LPAR3: variants seen among roughly 807,000 people sequenced by gnomAD.
LPAR3 encodes LPA receptor 3.
Under a neutral mutation model 17.8 loss-of-function variants are expected in LPAR3, and 7 were observed. The observed-to-expected ratio is 0.39, with a 90% CI of 0.22 to 0.74. The LOEUF (loss-of-function observed/expected upper bound fraction) is 0.74. LPAR3 is among the 30% of genes least tolerant of loss of function. The pLI is 0.40. For missense variants in LPAR3, 391 were observed against 453.4 expected (o/e 0.86, Z 1.25); for synonymous variants, 179 against 179.9 (o/e 0.99, Z 0.04).
intron 2 of LPAR3, among the ~76,000 whole-genome samples, chr1:84,822,697 A>G (rs1015313224): frequency 6.6e-6 from 1 of 152,214 alleles, no homozygotes; most frequent in African/African-American, 2.4e-5. Context: ...CGTATTTAAG[A>G]TGGTTCAGCA....
At chr1:84,832,030 G>A (rs1463719937) in intron 2 of LPAR3, among the ~76,000 whole-genome samples, 2 of 152,030 alleles carry the variant, frequency 1.3e-5, no homozygotes, top group Non-Finnish European at 1.5e-5. Flanking sequence ...CTCTTGGGTG[G>A]AAACCTAGTT....
At chr1:84,833,712 T>A (rs1213472436) in intron 2 of LPAR3, among the ~76,000 whole-genome samples, 1 of 152,202 alleles carries the variant, frequency 6.6e-6, no homozygotes, top group Non-Finnish European at 1.5e-5. Context: ...CACCTGTACC[T>A]CATTACCTTA....
At chr1:84,823,376 G>A (rs183243739) in intron 2 of LPAR3, among the ~76,000 whole-genome samples, 6 of 152,176 alleles carry the variant, frequency 3.9e-5, no homozygotes, top group Admixed American at 3.9e-4. Flanking sequence ...GATGTGAAAG[G>A]AATGAAAATA....
chr1:84,815,652 T>A (rs1658918792), intron 2 of LPAR3, among the ~76,000 whole-genome samples: 1 of 152,126 alleles, frequency 6.6e-6, no homozygotes, highest in Non-Finnish European at 1.5e-5. Context: ...ATTATGGGAA[T>A]TACTTCACTT....
intron 1 of LPAR3, among the ~76,000 whole-genome samples, chr1:84,874,956 G>A (rs1660228543): frequency 6.7e-6 from 1 of 150,000 alleles, no homozygotes; most frequent in Non-Finnish European, 1.5e-5. Flanking sequence ...CTGGAGTGCA[G>A]TGGTACGATC....
At chr1:84,865,093 C>G (rs979303340) in intron 2 of LPAR3, among the ~76,000 whole-genome samples, 2 of 152,142 alleles carry the variant, frequency 1.3e-5, no homozygotes, top group Non-Finnish European at 2.9e-5. Context: ...CAAACGATAC[C>G]TGCTTAGCTT....
rs189021366 is a variant in LPAR3 at position 84,876,656 on chromosome 1, C to T, written c.-18-10518G>A. On this transcript the variant is annotated intron_variant, in intron 1 of 2. Coordinates refer to ENST00000370611, the MANE Select transcript of LPAR3 (RefSeq NM_012152.3). ...TCTGTAAATGGTATCCCCTCCCCGC[C>T]GCTCCGGTTACCAGGTTGACTATAT... Among the ~76,000 whole-genome samples, 86 of 152,298 alleles carry T rather than the reference C, an allele frequency of 5.6e-4. 1 individual carries two copies. The East Asian group carries it at 0.015, about 27-fold the overall frequency.
At chr1:84,848,829 T>A (rs1659640962) in intron 2 of LPAR3, among the ~76,000 whole-genome samples, 3 of 152,200 alleles carry the variant, frequency 2.0e-5, no homozygotes, top group Admixed American at 2.0e-4. Context: ...GTTTGCCACA[T>A]GTCAGGAGTC....
chr1:84,852,856 A>T (rs1308641884), intron 2 of LPAR3, among the ~76,000 whole-genome samples: 1 of 152,224 alleles, frequency 6.6e-6, no homozygotes, highest in African/African-American at 2.4e-5. Flanking sequence ...TAAATCTGGC[A>T]ACTAGGAAGA....
At chr1:84,867,391 G>C (rs1202905202) in intron 1 of LPAR3, among the ~76,000 whole-genome samples, 1 of 152,196 alleles carries the variant, frequency 6.6e-6, no homozygotes, top group Non-Finnish European at 1.5e-5. Context: ...TCGGCAGAGG[G>C]ACTGAGCAGC....
chr1:84,825,438 G>A (rs928849575), intron 2 of LPAR3, among the ~76,000 whole-genome samples: 1 of 152,186 alleles, frequency 6.6e-6, no homozygotes, highest in Non-Finnish European at 1.5e-5. Context: ...CCAAGATGAT[G>A]TAAGGGCACG....
At chr1:84,831,740 T>C (rs1659287198) in intron 2 of LPAR3, among the ~76,000 whole-genome samples, 1 of 151,362 alleles carries the variant, frequency 6.6e-6, no homozygotes, top group African/African-American at 2.4e-5. Context: ...CACACTCTTC[T>C]GTTCTAGGTT....
chr1:84,872,920 A>G (rs1453226817), intron 1 of LPAR3, among the ~76,000 whole-genome samples: 2 of 152,240 alleles, frequency 1.3e-5, no homozygotes, highest in Non-Finnish European at 2.9e-5. Context: ...GATGAAGATC[A>G]GAGAGTAAAT....
At chr1:84,852,740 A>G (rs1300283713) in intron 2 of LPAR3, among the ~76,000 whole-genome samples, 4 of 152,198 alleles carry the variant, frequency 2.6e-5, no homozygotes, top group Admixed American at 1.3e-4. Context: ...ATGGTCAGAA[A>G]TGGGAGAGAC....
intron 1 of LPAR3, among the ~76,000 whole-genome samples, chr1:84,873,942 G>A (rs1201055762): frequency 2.6e-5 from 4 of 152,010 alleles, no homozygotes; most frequent in Admixed American, 6.5e-5. Context: ...TAGTAGAGAC[G>A]GGGTTTCACG....
intron 2 of LPAR3, among the ~76,000 whole-genome samples, chr1:84,858,755 T>C (rs534835924): frequency 6.6e-6 from 1 of 152,246 alleles, no homozygotes; most frequent in African/African-American, 2.4e-5. Flanking sequence ...TAGAGACAGA[T>C]AAATAAGGTA....
intron 2 of LPAR3, among the ~76,000 whole-genome samples, chr1:84,815,334 T>C (rs894170676): frequency 3.9e-5 from 6 of 152,124 alleles, no homozygotes; most frequent in African/African-American, 1.2e-4. Flanking sequence ...TCATAAATAT[T>C]CATCTGAAGC....
chr1:84,890,472 T>A (rs1388494811), intron 1 of LPAR3, among the ~76,000 whole-genome samples: 1 of 152,204 alleles, frequency 6.6e-6, no homozygotes, highest in Admixed American at 6.5e-5. Flanking sequence ...TCTTGGGAGA[T>A]GGATATAATC....
intron 1 of LPAR3, among the ~76,000 whole-genome samples, chr1:84,874,803 A>G (rs746973206): frequency 6.6e-6 from 1 of 152,248 alleles, no homozygotes; most frequent in Non-Finnish European, 1.5e-5. Context: ...TACACATAAT[A>G]TAACTGGACA....
Sources: allele counts gnomAD v4.1 joint callset (sites outside exome capture counted in the v4.1 genomes callset), GRCh38; gene constraint gnomAD v4.1.1; transcripts MANE v1.5; gene names NCBI Gene and HGNC (gene_info 2026-07-23, HGNC 2026-07-21).